MEF2A: variants seen among roughly 807,000 people sequenced by gnomAD.
MEF2A encodes the protein myocyte-specific enhancer factor 2A.
In MEF2A, 28 loss-of-function variants were observed where a neutral mutation model predicts 55.8. That is an observed-to-expected ratio of 0.50 (90% CI 0.37 to 0.69). The LOEUF (loss-of-function observed/expected upper bound fraction) is 0.69. Ranked by LOEUF, MEF2A falls within the 30% of genes least tolerant of loss-of-function variation. The pLI, the probability that MEF2A is intolerant of heterozygous loss-of-function variation, is 0.00. For synonymous variants in MEF2A, 239 were observed against 227.1 expected (o/e 1.05, Z -0.47); for missense variants, 528 against 626.2 (o/e 0.84, Z 1.67).
At chr15:99,637,637 C>T (rs2044110978) in intron 3 of MEF2A, among the ~76,000 whole-genome samples, 1 of 151,820 alleles carries the variant, frequency 6.6e-6, no homozygotes, top group South Asian at 2.1e-4. Context: ...TTGTTATTGT[C>T]TGTCTTTTTT....
intron 2 of MEF2A, among the ~76,000 whole-genome samples, chr15:99,631,389 C>G (rs940014976): frequency 6.6e-6 from 1 of 152,158 alleles, no homozygotes; most frequent in East Asian, 1.9e-4. Flanking sequence ...GACTAGCCAT[C>G]TTTCAGTTCC....
Position 99,674,491 on chromosome 15 carries a change from C to G in MEF2A, c.489C>G (p.Ser163=). 1 of 1,613,932 alleles carries G rather than the reference C, an allele frequency of 6.2e-7. No homozygotes were observed. The highest frequency in any genetic ancestry group is 8.5e-7 in the Non-Finnish European group (1 of 1,179,860). Residue 163 remains serine (S), a synonymous_variant, in exon 6 of 12, where the codon TCC becomes TCG. Transcript: ENST00000557942. Reference sequence around the variant, plus strand: ...CTAACCCAGGGAGTTCACTGGTGTCCCCATCTTTGGCAGCCAGCTCAACGT... The same window carrying G: ...CTAACCCAGGGAGTTCACTGGTGTCGCCATCTTTGGCAGCCAGCTCAACGT... The part of the protein sequence containing the change: ...SYTNPGSSLV[S]PSLAASSTLT...
At chr15:99,711,764 C>T (rs1203644700) in intron 11 of MEF2A, among the ~76,000 whole-genome samples, 1 of 152,232 alleles carries the variant, frequency 6.6e-6, no homozygotes, top group Non-Finnish European at 1.5e-5. Flanking sequence ...CAGAGTATCT[C>T]AGGGAAATTT....
chr15:99,693,802 A>C (rs2055955177), intron 8 of MEF2A, among the ~76,000 whole-genome samples: 1 of 152,230 alleles, frequency 6.6e-6, no homozygotes, highest in Non-Finnish European at 1.5e-5. Flanking sequence ...AGAAATGAAC[A>C]GTGGAAATGG....
At position 99,674,406 on chromosome 15, in the gene MEF2A, C is replaced by G; in HGVS notation, c.404C>G (p.Pro135Arg). The change falls in exon 6 of 12, where the codon CCT becomes CGT. Residue 135 changes from proline to arginine, a missense_variant. This residue lies in a region of MEF2A where 450 missense variants were observed against 475.3 expected (regional missense o/e 0.95). Transcript: ENST00000557942. ...CTTTATTTACAGCCTGGTCTGCCAC[C>G]TCAGAACTTTTCAATGTCTGTCACA... ...IFKRGPPGLP[P>R]QNFSMSVTVP... 6.2e-7 allele frequency: 1 copy of G among 1,609,676 alleles called. No homozygotes were observed. Among genetic ancestry groups the G allele is most frequent in the Non-Finnish European group, 8.5e-7 (1 of 1,176,422 alleles).
At chr15:99,671,274 C>T (rs1472078973) in intron 4 of MEF2A, 49 bp from the exon 5 acceptor site, 3 of 1,571,510 alleles carry the variant, frequency 1.9e-6, no homozygotes, top group Admixed American at 3.7e-5. Flanking sequence ...CAGAAAAACT[C>T]ATGGCAAGTT....
intron 3 of MEF2A, among the ~76,000 whole-genome samples, chr15:99,635,677 T>A (rs1253039357): frequency 6.6e-6 from 1 of 152,220 alleles, no homozygotes; most frequent in Non-Finnish European, 1.5e-5. Context: ...TGAGTTTATA[T>A]GAACAGTGTG....
At chr15:99,571,945 T>C (rs1484652715) in intron 1 of MEF2A, among the ~76,000 whole-genome samples, 3 of 152,214 alleles carry the variant, frequency 2.0e-5, no homozygotes, top group African/African-American at 7.2e-5. Flanking sequence ...GAAGCCATCA[T>C]TCTCTTGCAT....
chr15:99,654,349 C>T (rs2047334993), intron 4 of MEF2A, among the ~76,000 whole-genome samples: 1 of 151,766 alleles, frequency 6.6e-6, no homozygotes, highest in South Asian at 2.1e-4. Context: ...TTACTAAGCT[C>T]AATGTTTAAT....
intron 2 of MEF2A, among the ~76,000 whole-genome samples, chr15:99,625,736 G>A (rs1422085318): frequency 1.3e-5 from 2 of 151,778 alleles, no homozygotes; most frequent in Non-Finnish European, 2.9e-5. Context: ...AGATGATCAT[G>A]TTTTTTTTCC....
chr15:99,666,787 A>G (rs1307848617), intron 4 of MEF2A, among the ~76,000 whole-genome samples: 1 of 152,114 alleles, frequency 6.6e-6, no homozygotes, highest in Non-Finnish European at 1.5e-5. Flanking sequence ...AAATATTTTT[A>G]GGCAGTATGC....
chr15:99,592,701 G>A (rs1054249996), intron 1 of MEF2A, among the ~76,000 whole-genome samples: 2 of 152,054 alleles, frequency 1.3e-5, no homozygotes, highest in Admixed American at 1.3e-4. Context: ...GAGAGTGGGT[G>A]GGGGGAGGTA....
At chr15:99,689,632 C>T (rs1439206792) in intron 7 of MEF2A, among the ~76,000 whole-genome samples, 1 of 152,124 alleles carries the variant, frequency 6.6e-6, no homozygotes, top group Non-Finnish European at 1.5e-5. Flanking sequence ...AGGCGGGCGC[C>T]ACCACATCCA....
chr15:99,585,773 A>ACAAT (rs1437901279), intron 1 of MEF2A, among the ~76,000 whole-genome samples: 1 of 152,232 alleles, frequency 6.6e-6, no homozygotes, highest in Non-Finnish European at 1.5e-5. Flanking sequence ...ACAGACTCAA[A>ACAAT]CAGTAATGCT....
At chr15:99,623,413 G>A (rs1410460530) in intron 2 of MEF2A, among the ~76,000 whole-genome samples, 3 of 152,114 alleles carry the variant, frequency 2.0e-5, no homozygotes, top group Non-Finnish European at 2.9e-5. Context: ...TTGATTATAT[G>A]TCTAAAAGTG....
intron 7 of MEF2A, among the ~76,000 whole-genome samples, chr15:99,680,223 T>C (rs1464417508): frequency 2.6e-5 from 4 of 152,194 alleles, no homozygotes. Context: ...GATAGGGGAA[T>C]GTTTAGTAAT....
At chr15:99,664,313 C>G (rs188858755) in intron 4 of MEF2A, among the ~76,000 whole-genome samples, 90 of 152,316 alleles carry the variant, frequency 5.9e-4, no homozygotes, top group African/African-American at 2.1e-3. Flanking sequence ...ACAGATAGCA[C>G]TCAAAGGCAA....
intron 3 of MEF2A, 141 bp downstream of exon 3, chr15:99,633,314 A>G (rs1263728121): frequency 7.2e-6 from 4 of 552,700 alleles, no homozygotes; most frequent in Admixed American, 3.9e-5. Flanking sequence ...AATTCTAACA[A>G]TCATAAAATT....
intron 7 of MEF2A, among the ~76,000 whole-genome samples, chr15:99,687,511 C>G (rs887622758): frequency 1.3e-5 from 2 of 152,166 alleles, no homozygotes; most frequent in African/African-American, 4.8e-5. Flanking sequence ...TGTGGATTAT[C>G]CAGGCTTATC....
Sources: allele counts gnomAD v4.1 joint callset (sites outside exome capture counted in the v4.1 genomes callset), GRCh38; gene constraint gnomAD v4.1.1; regional missense constraint gnomAD v4.1.1; transcripts MANE v1.5; gene names NCBI Gene and HGNC (gene_info 2026-07-23, HGNC 2026-07-21).